UGT1A3: variants seen among roughly 807,000 people sequenced by gnomAD.
The protein encoded by UGT1A3 is UDP glucuronosyltransferase family 1 member A3, also known as UDP-glucuronosyltransferase 1A3.
Under a neutral mutation model 41.0 loss-of-function variants are expected in UGT1A3, and 31 were observed. The observed-to-expected ratio is 0.76, with a 90% confidence interval of 0.57 to 1.02. The LOEUF is 1.02. Ranked by LOEUF, UGT1A3 falls within the 50% of genes least tolerant of loss-of-function variation. The pLI is 0.00. For missense variants in UGT1A3, 737 were observed against 671.0 expected (o/e 1.10, Z -1.09); for synonymous variants, 262 against 257.6 (o/e 1.02, Z -0.17).
In UGT1A3 at chr2:233,729,642, T is replaced by A; in HGVS notation, c.516T>A (p.Phe172Leu). Residue 172 changes from phenylalanine to leucine, a missense_variant, in exon 1 of 5, where the codon TTT (phenylalanine) becomes TTA (leucine). Transcript: ENST00000482026. Reference protein sequence around the residue: ...AKYLSIPTVFFLRNIPCDLDF... With the variant: ...AKYLSIPTVFLLRNIPCDLDF... Reference sequence around the variant, plus strand: ...ACCTGTCGATTCCTACTGTGTTTTTTTTGAGGAACATTCCATGTGATTTAG... The same window carrying A: ...ACCTGTCGATTCCTACTGTGTTTTTATTGAGGAACATTCCATGTGATTTAG... The A allele has an allele frequency of 1.2e-6, 2 of 1,613,942 alleles. No individual in the cohort carries two copies. The highest frequency in any genetic ancestry group is 1.7e-6 in the Non-Finnish European group (2 of 1,179,884).
chr2:233,759,150 A>G (rs1697070072), intron 1 of UGT1A3, among the ~76,000 whole-genome samples: 1 of 152,238 alleles, frequency 6.6e-6, no homozygotes. Flanking sequence ...GGTGAGTTCC[A>G]CAGAACACAA....
At chr2:233,735,001 G>A (rs76924132) in intron 1 of UGT1A3, among the ~76,000 whole-genome samples, 2 of 152,186 alleles carry the variant, frequency 1.3e-5, no homozygotes, top group African/African-American at 4.8e-5. Flanking sequence ...TTGACTTAGG[G>A]TGGAGAGTTC....
chr2:233,752,556 A>C (rs1374384067), intron 1 of UGT1A3: 1 of 152,204 alleles, frequency 6.6e-6, no homozygotes, highest in Non-Finnish European at 1.5e-5. Context: ...TTGCTGGGAC[A>C]ACATAGTGGG....
chr2:233,748,198 C>G, intron 1 of UGT1A3: 1 of 1,535,946 alleles, frequency 6.5e-7, no homozygotes, highest in Non-Finnish European at 8.8e-7. Flanking sequence ...TTCTGCTTGT[C>G]GTAATAGCCT....
intron 1 of UGT1A3, among the ~76,000 whole-genome samples, chr2:233,763,677 A>G (rs934617457): frequency 6.6e-6 from 1 of 152,232 alleles, no homozygotes; most frequent in Non-Finnish European, 1.5e-5. Flanking sequence ...AACTTTAAGA[A>G]TAAAGATAAA....
At chr2:233,737,896 G>C (rs1414538821) in intron 1 of UGT1A3, among the ~76,000 whole-genome samples, 1 of 152,068 alleles carries the variant, frequency 6.6e-6, no homozygotes, top group Non-Finnish European at 1.5e-5. Context: ...TAATTTTCGA[G>C]TGTGGTAAAG....
At chr2:233,754,555 A>G in intron 1 of UGT1A3, 1 of 389,272 alleles carries the variant, frequency 2.6e-6, no homozygotes, top group South Asian at 1.9e-5. Flanking sequence ...CTTGGTGTCA[A>G]TGGGGAGCAA....
At chr2:233,756,852 C>A (rs11568318) in intron 1 of UGT1A3, among the ~76,000 whole-genome samples, 7,795 of 152,070 alleles carry the variant, frequency 0.051, 227 homozygotes, top group African/African-American at 0.061. Context: ...AACATTCTAA[C>A]GGTTCATAAA....
At chr2:233,731,154 A>G (rs2125760855) in intron 1 of UGT1A3, among the ~76,000 whole-genome samples, 1 of 152,228 alleles carries the variant, frequency 6.6e-6, no homozygotes, top group East Asian at 1.9e-4. Context: ...TTTCTTTTTG[A>G]TCAAACGACA....
intron 1 of UGT1A3, 98 bp from the exon 2 acceptor site, chr2:233,766,936 A>G: frequency 1.1e-5 from 18 of 1,586,086 alleles, no homozygotes; most frequent in Non-Finnish European, 1.5e-5. Context: ...GCCTTTAATC[A>G]TAGTCTTAAG....
chr2:233,753,194 G>GCCCT (rs1307613617), intron 1 of UGT1A3: 1 of 152,080 alleles, frequency 6.6e-6, no homozygotes, highest in Non-Finnish European at 1.5e-5. Context: ...TTTTTCAAAA[G>GCCCT]CCCTGACAGT....
At chr2:233,748,817 G>A (rs1468052595) in intron 1 of UGT1A3, among the ~76,000 whole-genome samples, 2 of 151,366 alleles carry the variant, frequency 1.3e-5, no homozygotes, top group Non-Finnish European at 2.9e-5. Context: ...AATTGTGGAA[G>A]GGTCTAGGGA....
Position 233,772,276 on chromosome 2 carries a change from T to C in UGT1A3, c.1322T>C (p.Ile441Thr). 6.2e-7 allele frequency: 1 copy of C among 1,614,240 alleles called. No homozygotes were observed. The highest frequency in any genetic ancestry group is 8.5e-7 in the Non-Finnish European group (1 of 1,180,050). ...VINDKSYKEN[I>T]MRLSSLHKDR... ...TTTGTGTTTAGTTACAAGGAGAACA[T>C]CATGCGCCTCTCCAGCCTTCACAAG... The change falls in exon 5 of 5, where the codon ATC (isoleucine) becomes ACC (threonine). Residue 441 changes from isoleucine to threonine, a missense_variant. By Grantham distance (89) the Ile-to-Thr change is moderately conservative. Coordinates refer to ENST00000482026, the MANE Select transcript of UGT1A3 (RefSeq NM_019093.4).
intron 1 of UGT1A3, among the ~76,000 whole-genome samples, chr2:233,752,979 T>C (rs993600275): frequency 5.3e-5 from 8 of 152,202 alleles, no homozygotes; most frequent in Non-Finnish European, 1.0e-4. Context: ...ATTGTGTAGA[T>C]ACAAACCCAC....
intron 1 of UGT1A3, among the ~76,000 whole-genome samples, chr2:233,758,575 A>G (rs1696915636): frequency 6.6e-6 from 1 of 152,204 alleles, no homozygotes; most frequent in African/African-American, 2.4e-5. Context: ...TAAAAAATGA[A>G]GAGTGTTTGG....
In UGT1A3 at chr2:233,758,028, C is replaced by A. The variant is rs116537239; in HGVS notation, c.868-9006C>A. 3.8e-3 allele frequency among the ~76,000 whole-genome samples: 585 copies of A among 152,248 alleles called. 2 individuals are homozygous for A. Among genetic ancestry groups the A allele is most frequent in the African/African-American group, 0.013 (559 of 41,526 alleles). On this transcript the variant is annotated intron_variant, in intron 1 of 4. Coordinates refer to ENST00000482026, the MANE Select transcript of UGT1A3 (RefSeq NM_019093.4). ...CATGAGTTTGTCTCTGTCTACCTGA[C>A]CCCTCCTTTCAGGCAAGGACCATTT...
At chr2:233,771,377 T>A (rs1700299205) in intron 4 of UGT1A3, 1 of 152,184 alleles carries the variant, frequency 6.6e-6, no homozygotes, top group Non-Finnish European at 1.5e-5. Flanking sequence ...CCGTTTTGGA[T>A]TGAGATGTTC....
intron 1 of UGT1A3, among the ~76,000 whole-genome samples, chr2:233,762,877 CTT>C (rs1394473755): frequency 6.6e-6 from 1 of 152,136 alleles, no homozygotes; most frequent in East Asian, 1.9e-4. Flanking sequence ...GGTTTCTTCT[CTT>C]ATAAATTCCA....
Position 233,769,626 on chromosome 2 carries a change from C to A in UGT1A3, c.1307+1187C>A. 2 of 1,612,112 alleles carry A rather than the reference C, an allele frequency of 1.2e-6. No individual in the cohort carries two copies. The highest frequency in any genetic ancestry group is 1.7e-6 in the Non-Finnish European group (2 of 1,179,588). The stretch of plus-strand genomic sequence containing the variant: ...GGGACACACCAGCTTGAGCAAGGGA[C>A]AACAGGGGAGGACTGATGACTGACT... On this transcript the variant is annotated intron_variant, in intron 4 of 4. Transcript: ENST00000482026. The surrounding 1 kb of genome is among the most constrained non-coding windows in gnomAD (Gnocchi z 4.4).
Sources: gnomAD v4.1 joint callset for allele counts (sites outside exome capture counted in the v4.1 genomes callset) on GRCh38, gnomAD v4.1.1 for gene constraint, Gnocchi (gnomAD v3.1) non-coding constraint, MANE v1.5 for transcripts, NCBI Gene and HGNC (gene_info 2026-07-23, HGNC 2026-07-21) for gene names.